CTNNA3: variants seen among roughly 807,000 people sequenced by gnomAD.
CTNNA3 encodes the protein catenin alpha-3.
Under a neutral mutation model 95.7 loss-of-function variants are expected in CTNNA3, and 76 were observed. The observed-to-expected ratio is 0.79, with a 90% CI of 0.66 to 0.96. The LOEUF is 0.96. Among genes scored for constraint, CTNNA3 ranks in the 40% least tolerant of loss-of-function variants. The pLI, the probability that CTNNA3 is intolerant of heterozygous loss-of-function variation, is 0.00. For synonymous variants in CTNNA3, 431 were observed against 374.4 expected, an observed-to-expected ratio of 1.15 and a Z score of -1.74; for missense variants, 1,191 against 1,089.8, an observed-to-expected ratio of 1.09 and a Z score of -1.31.
intron 13 of CTNNA3, among the ~76,000 whole-genome samples, chr10:66,183,581 T>C (rs906870160): frequency 6.6e-6 from 1 of 152,234 alleles, no homozygotes; most frequent in Non-Finnish European, 1.5e-5. Flanking sequence ...CCAATGGGCA[T>C]TGGGTTGGGG....
chr10:67,026,273 AAAAG>A (rs1853384469), intron 7 of CTNNA3, among the ~76,000 whole-genome samples: 1 of 152,120 alleles, frequency 6.6e-6, no homozygotes, highest in South Asian at 2.1e-4. Flanking sequence ...ATTAAGAAAA[AAAAG>A]AGAGAAAAAA....
At chr10:66,970,510 G>GGGGA (rs1370865249) in intron 7 of CTNNA3, among the ~76,000 whole-genome samples, 2 of 136,622 alleles carry the variant, frequency 1.5e-5, no homozygotes, top group Admixed American at 1.5e-4. Flanking sequence ...GGTGGGGGGG[G>GGGGA]GATACAATTC....
At chr10:67,349,822 G>A (rs1221978946) in intron 5 of CTNNA3, among the ~76,000 whole-genome samples, 1 of 152,048 alleles carries the variant, frequency 6.6e-6, no homozygotes, top group African/African-American at 2.4e-5. Context: ...CCTCAGCCTA[G>A]AGCTCCCAGG....
intron 12 of CTNNA3, among the ~76,000 whole-genome samples, chr10:66,306,689 C>T (rs912794050): frequency 5.3e-5 from 8 of 152,060 alleles, no homozygotes; most frequent in South Asian, 2.1e-4. Context: ...CGAGTACTTA[C>T]GCTCTGCAAA....
At chr10:67,342,989 A>G (rs1179309736) in intron 5 of CTNNA3, among the ~76,000 whole-genome samples, 5 of 151,912 alleles carry the variant, frequency 3.3e-5, no homozygotes, top group African/African-American at 4.8e-5. Context: ...CTCTTGCTCT[A>G]TCACCCAGGC....
chr10:66,714,578 A>C (rs1477407653), intron 9 of CTNNA3, among the ~76,000 whole-genome samples: 1 of 152,076 alleles, frequency 6.6e-6, no homozygotes, highest in Non-Finnish European at 1.5e-5. Flanking sequence ...CATCTTTCTA[A>C]ACCATTCACC....
chr10:66,264,828 G>C (rs1276825415), intron 13 of CTNNA3, among the ~76,000 whole-genome samples: 1 of 151,892 alleles, frequency 6.6e-6, no homozygotes, highest in Admixed American at 6.6e-5. Context: ...GGATTGGTGA[G>C]AACTGAAAAC....
intron 2 of CTNNA3, among the ~76,000 whole-genome samples, chr10:67,612,314 A>G (rs915553292): frequency 5.9e-5 from 9 of 152,220 alleles, no homozygotes; most frequent in African/African-American, 2.2e-4. Context: ...AGGCAGAATG[A>G]TAACTGTTTA....
intron 1 of CTNNA3, among the ~76,000 whole-genome samples, chr10:67,701,963 AG>A (rs1420663136): frequency 1.3e-5 from 2 of 152,236 alleles, no homozygotes; most frequent in Non-Finnish European, 2.9e-5. Context: ...AAAAAAAGGC[AG>A]GGGTTGCAAT....
chr10:65,980,654 C>A (rs77917398), intron 16 of CTNNA3, among the ~76,000 whole-genome samples: 1 of 151,602 alleles, frequency 6.6e-6, no homozygotes, highest in Non-Finnish European at 1.5e-5. Context: ...GCCATAATCA[C>A]GTGGGGTTCA....
intron 5 of CTNNA3, among the ~76,000 whole-genome samples, chr10:67,303,446 A>T (rs1027517353): frequency 2.0e-5 from 3 of 152,252 alleles, no homozygotes; most frequent in Admixed American, 6.5e-5. Context: ...CAGGCTGAAG[A>T]AGAAAGATGT....
At chr10:66,782,146 T>G (rs573794741) in intron 7 of CTNNA3, among the ~76,000 whole-genome samples, 1 of 152,296 alleles carries the variant, frequency 6.6e-6, no homozygotes, top group East Asian at 1.9e-4. Context: ...GACTTAATCC[T>G]CAAAGTCTTA....
chr10:66,265,915 C>T (rs1221787307), intron 13 of CTNNA3, among the ~76,000 whole-genome samples: 1 of 151,958 alleles, frequency 6.6e-6, no homozygotes, highest in Non-Finnish European at 1.5e-5. Context: ...TCTGTCTTAT[C>T]TATCTCCATA....
chr10:66,248,527 A>G (rs975897641), intron 13 of CTNNA3, among the ~76,000 whole-genome samples: 2 of 152,098 alleles, frequency 1.3e-5, no homozygotes, highest in Non-Finnish European at 2.9e-5. Flanking sequence ...ATAAACACAG[A>G]CAGAAATAAG....
At chr10:66,115,731 C>T (rs1347600147) in intron 13 of CTNNA3, among the ~76,000 whole-genome samples, 1 of 152,032 alleles carries the variant, frequency 6.6e-6, no homozygotes, top group Non-Finnish European at 1.5e-5. Context: ...GTTACATTTG[C>T]AAAGTAATCC....
intron 7 of CTNNA3, among the ~76,000 whole-genome samples, chr10:66,944,684 TTA>T (rs1241560217): frequency 1.3e-5 from 2 of 152,204 alleles, no homozygotes; most frequent in Non-Finnish European, 2.9e-5. Flanking sequence ...ATCAAAGGAA[TTA>T]TCATCCAAGA....
chr10:67,006,830 G>T (rs1027805502), intron 7 of CTNNA3, among the ~76,000 whole-genome samples: 1 of 151,220 alleles, frequency 6.6e-6, no homozygotes, highest in African/African-American at 2.4e-5. Context: ...GTCTCACTCT[G>T]TTGCCCAGGC....
At chr10:66,051,124 C>A (rs149481362) in intron 15 of CTNNA3, among the ~76,000 whole-genome samples, 1 of 152,282 alleles carries the variant, frequency 6.6e-6, no homozygotes, top group East Asian at 1.9e-4. Flanking sequence ...ATCCTCCCAT[C>A]TTAGCCTCCC....
At chr10:66,208,382 T>G (rs2087903611) in intron 13 of CTNNA3, among the ~76,000 whole-genome samples, 3 of 150,246 alleles carry the variant, frequency 2.0e-5, no homozygotes, top group African/African-American at 7.3e-5. Flanking sequence ...TTAGCAGCAT[T>G]CCTAGGCTGA....
Sources: allele counts gnomAD v4.1 joint callset (sites outside exome capture counted in the v4.1 genomes callset), GRCh38; gene constraint gnomAD v4.1.1; transcripts MANE v1.5; gene names NCBI Gene and HGNC (gene_info 2026-07-23, HGNC 2026-07-21).